SLC25A48: variants seen among roughly 807,000 people sequenced by gnomAD.
SLC25A48 encodes solute carrier family 25 member 48, also known as CTC-321K16.1.
In SLC25A48, 29 loss-of-function variants were observed where a neutral mutation model predicts 32.2. That is an observed-to-expected ratio of 0.90 (90% CI 0.67 to 1.23). The LOEUF (loss-of-function observed/expected upper bound fraction) is 1.23. Among genes scored for constraint, SLC25A48 ranks in the 50% most tolerant of loss-of-function variants. SLC25A48 has a pLI of 0.00. For synonymous variants in SLC25A48, 164 were observed against 172.3 expected (o/e 0.95, Z 0.38); for missense variants, 399 against 422.7 (o/e 0.94, Z 0.49).
intron 2 of SLC25A48, among the ~76,000 whole-genome samples, chr5:135,844,770 G>A (rs1313592475): frequency 1.3e-5 from 2 of 152,192 alleles, no homozygotes; most frequent in Non-Finnish European, 2.9e-5. Context: ...TCAATTCTCT[G>A]ATTTAAATGG....
intron 1 of SLC25A48, among the ~76,000 whole-genome samples, chr5:135,596,013 T>C (rs1268811578): frequency 6.6e-6 from 1 of 152,206 alleles, no homozygotes; most frequent in African/African-American, 2.4e-5. Context: ...TCTCCACCTG[T>C]CACTCGGCCA....
At chr5:135,745,096 A>G (rs1005654564) in intron 3 of SLC25A48, among the ~76,000 whole-genome samples, 11 of 152,208 alleles carry the variant, frequency 7.2e-5, no homozygotes, top group African/African-American at 2.7e-4. Context: ...AAAGACACAG[A>G]AATAGAGTGC....
Position 135,784,047 on chromosome 5 carries a change from G to A in SLC25A48, c.-520-28476G>A, listed in dbSNP as rs1290414810. Among the ~76,000 whole-genome samples, 4 of 118,102 alleles carry A rather than the reference G, an allele frequency of 3.4e-5. 1 individual carries two copies. Among genetic ancestry groups the A allele is most frequent in the African/African-American group, 1.0e-4 (4 of 38,762 alleles). 77.5% of individuals were successfully genotyped at this position (118,102 alleles called of 152,430 possible). A position where few individuals can be genotyped will look rare whatever the true frequency, so the allele number is the denominator to read the frequency against. ...TGTTTCTAATATCCAGGTAAAGAGA[G>A]GGTGATATTCCTGTCAATATCGCAG... On this transcript the variant is annotated intron_variant, in intron 3 of 10. Transcript: ENST00000646290.
rs1580985596 is a variant in SLC25A48 at position 135,850,429 on chromosome 5, G to A, written c.95G>A (p.Arg32His). Reference protein sequence around the residue: ...VGHPLDTVKTRLQAGVGYGNT... With the variant: ...VGHPLDTVKTHLQAGVGYGNT... The stretch of plus-strand genomic sequence containing the variant: ...TGTCCTTGCCTCTCTCCATAGACTC[G>A]CCTGCAGGCTGGCGTTGGCTACGGA... The change falls in exon 3 of 8, where the codon CGC (arginine) becomes CAC (histidine). Residue 32 changes from arginine (R) to histidine (H), a missense_variant. By Grantham distance (29) the Arg-to-His change is conservative. Coordinates refer to ENST00000681962, the MANE Select transcript of SLC25A48 (RefSeq NM_001349336.2). The A allele has an allele frequency of 5.6e-6, 9 of 1,614,002 alleles. No homozygotes were observed. Among genetic ancestry groups the A allele is most frequent in the African/African-American group, 4.0e-5 (3 of 74,930 alleles).
At position 135,611,496 on chromosome 5, in the gene SLC25A48, C is replaced by CAAAAAAAAAAAAAAAAAAA. The variant is rs57138043; in HGVS notation, c.-848-17728_-848-17710dup. Among the ~76,000 whole-genome samples the CAAAAAAAAAAAAAAAAAAA allele has an allele frequency of 1.2e-3, 26 of 21,342 alleles. 1 individual carries two copies. The highest frequency in any genetic ancestry group is 4.5e-3 in the East Asian group (1 of 224). The allele number at this position is 21,342 out of a possible 152,430, so 14.0% of individuals were successfully genotyped here. On this transcript the variant is annotated intron_variant, in intron 1 of 10. Coordinates refer to the SLC25A48 transcript ENST00000646290. The stretch of plus-strand genomic sequence containing the variant: ...TCGGTGACAGAGCGAGACTCCATCT[C>CAAAAAAAAAAAAAAAAAAA]AAAAAAAAAAAAAAAAAAAAAAAAA...
intron 7 of SLC25A48, among the ~76,000 whole-genome samples, chr5:135,886,811 T>A (rs1762756487): frequency 1.3e-5 from 2 of 150,832 alleles, no homozygotes; most frequent in East Asian, 4.0e-4. Flanking sequence ...TTAATTTCTG[T>A]TGTCATGGTC....
intron 6 of SLC25A48, chr5:135,875,958 G>A (rs757597869): frequency 1.4e-4 from 21 of 152,128 alleles, no homozygotes; most frequent in Admixed American, 1.2e-3. Flanking sequence ...GATGTGATAC[G>A]GAGGAAACTT....
chr5:135,620,072 G>A (rs1043658697), intron 1 of SLC25A48, among the ~76,000 whole-genome samples: 6 of 152,174 alleles, frequency 3.9e-5, no homozygotes, highest in Non-Finnish European at 8.8e-5. Context: ...ATGAGCGATG[G>A]CAATAGCAGT....
intron 3 of SLC25A48, among the ~76,000 whole-genome samples, chr5:135,663,405 C>T (rs1269532478): frequency 6.6e-6 from 1 of 152,084 alleles, no homozygotes; most frequent in Non-Finnish European, 1.5e-5. Context: ...CCAGTAGTAT[C>T]ACCCTGTCCC....
intron 4 of SLC25A48, among the ~76,000 whole-genome samples, chr5:135,822,810 T>C (rs1401007600): frequency 6.6e-6 from 1 of 152,128 alleles, no homozygotes; most frequent in Non-Finnish European, 1.5e-5. Flanking sequence ...CCATTTAGCC[T>C]GTCCCTTCTG....
chr5:135,677,621 A>G (rs1303105777), intron 3 of SLC25A48, among the ~76,000 whole-genome samples: 3 of 151,802 alleles, frequency 2.0e-5, no homozygotes, highest in Non-Finnish European at 4.4e-5. Context: ...AGTGAATGTT[A>G]TATTTTTATG....
At chr5:135,842,587 C>A in intron 2 of SLC25A48, 128 bp downstream of exon 2, 1 of 949,634 alleles carries the variant, frequency 1.1e-6, no homozygotes, top group Non-Finnish European at 1.6e-6. Flanking sequence ...TGTTGCCAGT[C>A]CAGGGGGTGT....
At chr5:135,769,159 C>A (rs1030621635) in intron 3 of SLC25A48, among the ~76,000 whole-genome samples, 8 of 148,804 alleles carry the variant, frequency 5.4e-5, no homozygotes, top group African/African-American at 2.0e-4. Context: ...GGGTGTACAC[C>A]CCCCTGTGAT....
At chr5:135,759,194 A>G (rs369559632) in intron 3 of SLC25A48, among the ~76,000 whole-genome samples, 5 of 152,138 alleles carry the variant, frequency 3.3e-5, no homozygotes, top group African/African-American at 1.2e-4. Context: ...ATACTATGAT[A>G]TGAAGAATAT....
chr5:135,664,169 G>A (rs1753469365), intron 3 of SLC25A48, among the ~76,000 whole-genome samples: 1 of 152,212 alleles, frequency 6.6e-6, no homozygotes, highest in Admixed American at 6.5e-5. Context: ...GTTACTCTTT[G>A]CCACTTAGAT....
upstream of SLC25A48, among the ~76,000 whole-genome samples, chr5:135,834,060 A>G (rs1424836588): frequency 6.6e-6 from 1 of 152,210 alleles, no homozygotes; most frequent in Non-Finnish European, 1.5e-5. Context: ...AGACACTCTC[A>G]TTGTAATCAA....
chr5:135,665,526 T>C (rs1370912956), intron 3 of SLC25A48, among the ~76,000 whole-genome samples: 4 of 152,156 alleles, frequency 2.6e-5, no homozygotes. Flanking sequence ...CAGAATAGTT[T>C]TTCCTAGATT....
chr5:135,729,676 C>T (rs774599370), intron 3 of SLC25A48, among the ~76,000 whole-genome samples: 33 of 152,274 alleles, frequency 2.2e-4, no homozygotes, highest in Non-Finnish European at 3.8e-4. Context: ...TGGAATCAGT[C>T]TACCCCCTTG....
intron 3 of SLC25A48, among the ~76,000 whole-genome samples, chr5:135,656,058 G>A (rs1281049048): frequency 6.6e-6 from 1 of 152,114 alleles, no homozygotes; most frequent in Non-Finnish European, 1.5e-5. Flanking sequence ...GCATGGGAGA[G>A]GAGTGTGACT....
Sources: allele counts gnomAD v4.1 joint callset (sites outside exome capture counted in the v4.1 genomes callset), GRCh38; gene constraint gnomAD v4.1.1; transcripts MANE v1.5; gene names NCBI Gene and HGNC (gene_info 2026-07-23, HGNC 2026-07-21).